The following PCDHA10 variants were observed in gnomAD, a reference collection of about 807,000 sequenced individuals.
PCDHA10 encodes protocadherin alpha 10.
PCDHA10 carries 45 observed loss-of-function variants against 61.2 expected under a neutral mutation model. The ratio of observed to expected loss-of-function variants is 0.74; its 90% CI spans 0.58 to 0.94. The LOEUF is 0.94. PCDHA10 is among the 40% of genes least tolerant of loss of function. The pLI, the probability that PCDHA10 is intolerant of heterozygous loss-of-function variation, is 0.00. For synonymous variants in PCDHA10, 602 were observed against 548.8 expected, an observed-to-expected ratio of 1.10 and a Z score of -1.35; for missense variants, 1,278 against 1,236.2, an observed-to-expected ratio of 1.03 and a Z score of -0.51.
chr5:140,858,155 T>C lies in PCDHA10; in HGVS notation c.2107T>C (p.Cys703Arg), dbSNP rs782113419. 1 of 1,597,742 alleles carries C rather than the reference T, an allele frequency of 6.3e-7. No individual in the cohort carries two copies. The highest frequency in any genetic ancestry group is 1.3e-5 in the African/African-American group (1 of 74,414). The change falls in exon 1 of 4, where the codon TGC (cysteine) becomes CGC (arginine). Residue 703 changes from cysteine (C) to arginine (R), a missense_variant. Transcript: ENST00000307360. Reference sequence around the variant, plus strand: ...CAACGTGTACCTGATCATCGCCATCTGCGCGGTGTCCAGCTTGCTGGTGCT... The same window carrying C: ...CAACGTGTACCTGATCATCGCCATCCGCGCGGTGTCCAGCTTGCTGGTGCT... The part of the protein sequence containing the change: ...DVNVYLIIAI[C>R]AVSSLLVLTL...
chr5:140,985,060 C>T (rs1377386395), intron 3 of PCDHA10, among the ~76,000 whole-genome samples: 2 of 152,066 alleles, frequency 1.3e-5, no homozygotes, highest in Admixed American at 6.5e-5. Flanking sequence ...GCCTCAGCCT[C>T]CTGAGTAGCT....
At chr5:140,929,391 A>G in intron 1 of PCDHA10, 1 of 1,511,404 alleles carries the variant, frequency 6.6e-7, no homozygotes, top group South Asian at 1.4e-5. Flanking sequence ...GTTTTGAAAT[A>G]TTTCTTAGAC....
At chr5:140,969,470 T>G in intron 1 of PCDHA10, 1 of 1,483,706 alleles carries the variant, frequency 6.7e-7, no homozygotes, top group African/African-American at 1.4e-5. Context: ...TATCCACAAT[T>G]TGATCATAAT....
At chr5:140,941,634 T>G (rs2093133728) in intron 1 of PCDHA10, among the ~76,000 whole-genome samples, 1 of 152,074 alleles carries the variant, frequency 6.6e-6, no homozygotes, top group South Asian at 2.1e-4. Context: ...TCTTAATTTC[T>G]GTCTTCCTAC....
chr5:140,869,798 T>A (rs782748267), intron 1 of PCDHA10: 2 of 1,612,730 alleles, frequency 1.2e-6, no homozygotes. Flanking sequence ...TTAGTCCAAG[T>A]CTTGGATGTC....
chr5:140,875,157 A>T, intron 1 of PCDHA10: 1 of 333,552 alleles, frequency 3.0e-6, no homozygotes, highest in Non-Finnish European at 5.3e-6. Flanking sequence ...CGTGAAAAAT[A>T]ACCCAAAGTC....
intron 1 of PCDHA10, among the ~76,000 whole-genome samples, chr5:140,926,054 T>A (rs1018660828): frequency 6.6e-6 from 1 of 152,182 alleles, no homozygotes; most frequent in African/African-American, 2.4e-5. Flanking sequence ...CCCAACCTTC[T>A]TCCCCTCCTT....
intron 1 of PCDHA10, chr5:140,930,059 A>G (rs1486359495): frequency 6.6e-6 from 1 of 152,200 alleles, no homozygotes; most frequent in Non-Finnish European, 1.5e-5. Flanking sequence ...TTGCTTACAC[A>G]AAAACTGTAA....
rs185929013 is a variant in PCDHA10 at position 140,956,196 on chromosome 5, T to G, written c.2389-22753T>G. 2.6e-5 allele frequency among the ~76,000 whole-genome samples: 4 copies of G among 152,188 alleles called. No homozygotes were observed. In the East Asian group the frequency reaches 7.7e-4, roughly 29 times the overall value. On this transcript the variant is annotated intron_variant, in intron 1 of 3. Coordinates refer to ENST00000307360, the MANE Select transcript of PCDHA10 (RefSeq NM_018901.4). The stretch of plus-strand genomic sequence containing the variant: ...CTTCCAATACTATGCTGAATAGGAG[T>G]GGTGAAAGAGGGCATCCTTGTCTTG...
intron 3 of PCDHA10, among the ~76,000 whole-genome samples, chr5:141,007,395 CAAA>C (rs35800918): frequency 0.057 from 5,421 of 94,854 alleles, 127 homozygotes; most frequent in South Asian, 0.13. Context: ...TACTAAAATA[CAAA>C]AAAAAAAAAA....
At position 140,856,860 on chromosome 5, in the gene PCDHA10, G is replaced by A; in HGVS notation, c.812G>A (p.Gly271Glu). 1.3e-6 allele frequency: 2 copies of A among 1,594,690 alleles called. 1 individual carries two copies. Residue 271 changes from glycine (G) to glutamate (E), a missense_variant, in exon 1 of 4, where the codon GGA (glycine) becomes GAA (glutamate). Transcript: ENST00000307360. ...IRLNASDSDE[G>E]INKEMMYSFS... ...CTCAACGCTTCTGATTCGGATGAAGGAATAAACAAGGAAATGATGTATTCA... is the reference window on the plus strand; with the variant it reads ...CTCAACGCTTCTGATTCGGATGAAGAAATAAACAAGGAAATGATGTATTCA...
chr5:140,871,160 C>A, intron 1 of PCDHA10: 1 of 1,613,470 alleles, frequency 6.2e-7, no homozygotes, highest in Non-Finnish European at 8.5e-7. Context: ...GCGGGCGCCG[C>A]GAGCCCAGAG....
chr5:140,862,480 G>A (rs1293172271), intron 1 of PCDHA10: 1 of 381,094 alleles, frequency 2.6e-6, no homozygotes, highest in East Asian at 7.1e-5. Flanking sequence ...TCTATCCATT[G>A]TTGGTAATCG....
chr5:140,969,061 T>C (rs782313439), intron 1 of PCDHA10: 25 of 1,614,070 alleles, frequency 1.5e-5, no homozygotes, highest in Non-Finnish European at 4.2e-6. Flanking sequence ...ACAATATTGA[T>C]GCCAGGATAC....
rs782072957 is a variant in PCDHA10, at chr5:140,870,352, G to A, written c.2388+11916G>A. ...GGACAGCGCCCTGGACCGCGAGAAC[G>A]TGTGGGCCTATGAACTGGTGGTGAC... On this transcript the variant is annotated intron_variant, in intron 1 of 3. Coordinates refer to ENST00000307360, the MANE Select transcript of PCDHA10 (RefSeq NM_018901.4). 36 of 1,614,108 alleles carry A rather than the reference G, an allele frequency of 2.2e-5. No homozygotes were observed. In the South Asian group the frequency reaches 3.2e-4, roughly 14 times the overall value.
intron 1 of PCDHA10, among the ~76,000 whole-genome samples, chr5:140,965,905 G>A (rs76116187): frequency 0.016 from 2,504 of 152,338 alleles, 69 homozygotes; most frequent in African/African-American, 0.056. Context: ...TGGATCCCAG[G>A]ATGCTGGTTT....
At chr5:140,904,642 C>G (rs1257685945) in intron 1 of PCDHA10, among the ~76,000 whole-genome samples, 2 of 152,132 alleles carry the variant, frequency 1.3e-5, no homozygotes, top group Non-Finnish European at 2.9e-5. Context: ...AATCTCCACA[C>G]TGTTTTCCAT....
intron 1 of PCDHA10, chr5:140,884,593 C>A: frequency 6.2e-7 from 1 of 1,614,162 alleles, no homozygotes; most frequent in Non-Finnish European, 8.5e-7. Flanking sequence ...TCAGTCCCAG[C>A]CTTCCTCCTT....
chr5:140,983,101 C>T (rs1047738074), intron 3 of PCDHA10, among the ~76,000 whole-genome samples: 2 of 152,228 alleles, frequency 1.3e-5, no homozygotes, highest in African/African-American at 4.8e-5. Flanking sequence ...ATCTGCTTCT[C>T]TCTGCACATC....
Sources: gnomAD v4.1 joint callset for allele counts (sites outside exome capture counted in the v4.1 genomes callset) on GRCh38, gnomAD v4.1.1 for gene constraint, MANE v1.5 for transcripts, NCBI Gene and HGNC (gene_info 2026-07-23, HGNC 2026-07-21) for gene names.